LTBR: variants seen among roughly 807,000 people sequenced by gnomAD.
LTBR encodes the protein lymphotoxin beta receptor, also known as tumor necrosis factor receptor superfamily member 3.
A neutral mutation model predicts 45.4 loss-of-function variants in LTBR; 15 were observed. The observed-to-expected ratio is 0.33, with a 90% CI of 0.22 to 0.51. LTBR has a LOEUF of 0.51. Ranked by LOEUF, LTBR falls within the 20% of genes least tolerant of loss-of-function variation. LTBR has a pLI of 0.97. For missense variants in LTBR, 450 were observed against 565.5 expected, an observed-to-expected ratio of 0.80 and a Z score of 2.07; for synonymous variants, 228 against 231.0, an observed-to-expected ratio of 0.99 and a Z score of 0.12.
upstream of LTBR, among the ~76,000 whole-genome samples, chr12:6,383,217 G>C (rs1440324940): frequency 1.3e-5 from 2 of 152,126 alleles, no homozygotes; most frequent in Non-Finnish European, 2.9e-5. Context: ...TTAGGAAGAC[G>C]GAAACTTGGG....
intron 2 of LTBR, 100 bp from the exon 3 acceptor site, chr12:6,384,922 G>A: frequency 2.0e-6 from 3 of 1,491,178 alleles, no homozygotes; most frequent in Non-Finnish European, 2.8e-6. Flanking sequence ...ATGATGGGGG[G>A]CCAGAGAGAC....
At position 6,390,640 on chromosome 12, in the gene LTBR, C is replaced by A. The variant is rs1332985100; in HGVS notation, c.1031-20C>A. The stretch of plus-strand genomic sequence containing the variant: ...AACTGGGGGCCTTCCTTCCTCAACA[C>A]TCTGCCTCCCTTCCTACAGGTACCA... On this transcript the variant is annotated intron_variant, in intron 9 of 9. Coordinates refer to ENST00000228918, the MANE Select transcript of LTBR (RefSeq NM_002342.3). 4 of 1,500,392 alleles carry A rather than the reference C, an allele frequency of 2.7e-6. No homozygotes were observed. Among genetic ancestry groups the A allele is most frequent in the Non-Finnish European group, 3.6e-6 (4 of 1,125,462 alleles). The allele number at this position is 1,500,392 out of a possible 1,614,324, so 92.9% of individuals were successfully genotyped here.
Position 6,386,944 on chromosome 12 carries a change from G to A in LTBR, c.667+500G>A, listed in dbSNP as rs1349229445. 1 of 153,382 alleles carries A rather than the reference G, an allele frequency of 6.5e-6. No individual in the cohort carries two copies. The highest frequency in any genetic ancestry group is 1.9e-4 in the East Asian group (1 of 5,212). 9.5% of individuals were successfully genotyped at this position (153,382 alleles called of 1,614,324 possible). A position where few individuals can be genotyped will look rare whatever the true frequency, so the allele number is the denominator to read the frequency against. ...AATTGGCAGAAGGTTCACTGTGTGT[G>A]TTGGGCACTCTGTAACCACTTTACA... On this transcript the variant is annotated intron_variant, in intron 6 of 9. Transcript: ENST00000228918. The surrounding 1 kb of genome is among the most constrained non-coding windows in gnomAD (Gnocchi z 4.1).
chr12:6,389,822 A>AT, intron 8 of LTBR: 4 of 253,230 alleles, frequency 1.6e-5, no homozygotes, highest in Non-Finnish European at 2.2e-5. Flanking sequence ...AAAAAAAAAA[A>AT]GTTAGCCAGA....
At chr12:6,381,760 A>G (rs1055738698), upstream of LTBR, among the ~76,000 whole-genome samples, 2 of 152,160 alleles carry the variant, frequency 1.3e-5, no homozygotes, top group African/African-American at 4.8e-5. Flanking sequence ...GGATCACAAC[A>G]TCAGGAGTTC....
Position 6,386,206 on chromosome 12 carries a change from C to A in LTBR, c.569+44C>A. 1 of 1,555,864 alleles carries A rather than the reference C, an allele frequency of 6.4e-7. No homozygotes were observed. The highest frequency in any genetic ancestry group is 8.9e-7 in the Non-Finnish European group (1 of 1,128,038). On this transcript the variant is annotated intron_variant, in intron 5 of 9. Transcript: ENST00000228918. The surrounding 1 kb of genome is among the most constrained non-coding windows in gnomAD (Gnocchi z 4.1). The stretch of plus-strand genomic sequence containing the variant: ...AAGCTCCTTCCACCCTCTGAGAAGC[C>A]TCAGCTGCTAACAACCCCCAGCGCC...
At chr12:6,379,865 T>C (rs1262238563), upstream of LTBR, among the ~76,000 whole-genome samples, 1 of 137,502 alleles carries the variant, frequency 7.3e-6, no homozygotes, top group Non-Finnish European at 1.5e-5. Flanking sequence ...ACCGGGGAGG[T>C]GGAGCTTGGA....
intron 1 of LTBR, among the ~76,000 whole-genome samples, chr12:6,378,129 C>T (rs1948938573): frequency 6.6e-6 from 1 of 152,190 alleles, no homozygotes; most frequent in Non-Finnish European, 1.5e-5. Flanking sequence ...CCTTCCTTTC[C>T]CTCCCCAAAG....
upstream of LTBR, among the ~76,000 whole-genome samples, chr12:6,380,564 G>A (rs1413366890): frequency 1.3e-5 from 2 of 152,064 alleles, no homozygotes; most frequent in Non-Finnish European, 2.9e-5. Flanking sequence ...CATGCCTGTA[G>A]TCCCAGCTAC....
At chr12:6,387,040 G>C (rs1243927265) in intron 6 of LTBR, 1 of 152,284 alleles carries the variant, frequency 6.6e-6, no homozygotes, top group Non-Finnish European at 1.5e-5. Context: ...TGGACTGAAG[G>C]AAGAAACCGA....
At chr12:6,375,597 G>C (rs1948892070) in intron 1 of LTBR, 1 of 1,343,174 alleles carries the variant, frequency 7.4e-7, no homozygotes, top group East Asian at 2.6e-5. Context: ...AATTAAAGGT[G>C]AGCAGGGCGG....
chr12:6,384,412 G>A lies in LTBR; in HGVS notation c.54G>A (p.Val18=). The A allele has an allele frequency of 6.5e-7, 1 of 1,544,100 alleles. No homozygotes were observed. Among genetic ancestry groups the A allele is most frequent in the Non-Finnish European group, 8.7e-7 (1 of 1,148,512 alleles). Residue 18 remains valine, a synonymous_variant, in exon 1 of 10, where the codon GTG becomes GTA. Coordinates refer to ENST00000228918, the MANE Select transcript of LTBR (RefSeq NM_002342.3). ...CCGGCCTGGCCTGGGGGCCTCTGGT[G>A]CTGGGCCTCTTCGGGCTCCTGGCAG... ...SAPGLAWGPL[V]LGLFGLLAAS... is the part of the protein sequence containing the mutation.
chr12:6,381,158 A>T (rs1049992540), upstream of LTBR, among the ~76,000 whole-genome samples: 2 of 152,192 alleles, frequency 1.3e-5, no homozygotes, highest in Non-Finnish European at 2.9e-5. Context: ...AGACAATGGG[A>T]GGCAGCTCAG....
chr12:6,386,471 G>GGA lies in LTBR; in HGVS notation c.667+28_667+29insAG. The GGA allele has an allele frequency of 1.9e-6, 3 of 1,571,060 alleles. No homozygotes were observed. Among genetic ancestry groups the GGA allele is most frequent in the South Asian group, 1.1e-5 (1 of 89,796 alleles). Reference sequence around the variant, plus strand: ...TGAGGGACCAGGGCTGAGGGACACGGGGGGGGCGCCTCTGAAAATGCCTTA... The same window carrying GGA: ...TGAGGGACCAGGGCTGAGGGACACGGGAGGGGGGCGCCTCTGAAAATGCCTTA... On this transcript the variant is annotated intron_variant, in intron 6 of 9. Transcript: ENST00000228918. The surrounding 1 kb of genome is among the most constrained non-coding windows in gnomAD (Gnocchi z 4.1).
upstream of LTBR, among the ~76,000 whole-genome samples, chr12:6,381,982 GAGAAA>G (rs1303436568): frequency 6.6e-6 from 1 of 152,148 alleles, no homozygotes; most frequent in Non-Finnish European, 1.5e-5. Context: ...GAAAGGAAAA[GAGAAA>G]AGAAGAGAAG....
rs1012883417 is a variant in LTBR, at chr12:6,391,261, G to A, written c.*324G>A. ...ACGCCGCACCGGAGCACGGCACCGAGGGAGCCGCCACACGGTCACCTGCAA... is the reference window on the plus strand; with the variant it reads ...ACGCCGCACCGGAGCACGGCACCGAAGGAGCCGCCACACGGTCACCTGCAA... On this transcript the variant is annotated 3_prime_UTR_variant, in exon 10 of 10. Transcript: ENST00000228918. 2 of 241,376 alleles carry A rather than the reference G, an allele frequency of 8.3e-6. No individual in the cohort carries two copies. Among genetic ancestry groups the A allele is most frequent in the African/African-American group, 2.2e-5 (1 of 44,808 alleles). The allele number at this position is 241,376 out of a possible 1,614,324, so 15.0% of individuals were successfully genotyped here. A position where few individuals can be genotyped will look rare whatever the true frequency, so the allele number is the denominator to read the frequency against.
upstream of LTBR, among the ~76,000 whole-genome samples, chr12:6,380,508 A>C (rs1462280388): frequency 3.9e-5 from 6 of 152,100 alleles, no homozygotes; most frequent in Non-Finnish European, 7.4e-5. Flanking sequence ...ACATGGCAAA[A>C]CACCATCTCT....
Position 6,386,212 on chromosome 12 carries a change from T to C in LTBR, c.569+50T>C, listed in dbSNP as rs778948082. On this transcript the variant is annotated intron_variant, in intron 5 of 9. Coordinates refer to ENST00000228918, the MANE Select transcript of LTBR (RefSeq NM_002342.3). This position sits in a 1 kb window ranked among gnomAD's most constrained non-coding sequence, Gnocchi z 4.1. ...CTTCCACCCTCTGAGAAGCCTCAGCTGCTAACAACCCCCAGCGCCTATCCT... is the reference window on the plus strand; with the variant it reads ...CTTCCACCCTCTGAGAAGCCTCAGCCGCTAACAACCCCCAGCGCCTATCCT... 1.3e-6 allele frequency: 2 copies of C among 1,536,894 alleles called. No individual in the cohort carries two copies. Among genetic ancestry groups the C allele is most frequent in the Non-Finnish European group, 1.8e-6 (2 of 1,110,884 alleles).
chr12:6,390,239 C>G lies in LTBR; in HGVS notation c.929C>G (p.Ala310Gly). 1 of 1,614,064 alleles carries G rather than the reference C, an allele frequency of 6.2e-7. No homozygotes were observed. The highest frequency in any genetic ancestry group is 8.5e-7 in the Non-Finnish European group (1 of 1,179,984). Residue 310 changes from alanine (A) to glycine (G), a missense_variant, in exon 9 of 10, where the codon GCA (alanine) becomes GGA (glycine). Ala to Gly is a moderately conservative substitution (Grantham distance 60). Coordinates refer to ENST00000228918, the MANE Select transcript of LTBR (RefSeq NM_002342.3). ...TCCCCAGTATCCACTGGGCTCCCCG[C>G]AGCCCCAGTTTTGGAGGCAGGGGTG... ...DVSPVSTGLP[A>G]APVLEAGVPQ... is the part of the protein sequence containing the mutation.
Sources: allele counts gnomAD v4.1 joint callset (sites outside exome capture counted in the v4.1 genomes callset), GRCh38; gene constraint gnomAD v4.1.1; non-coding constraint Gnocchi (gnomAD v3.1); transcripts MANE v1.5; gene names NCBI Gene and HGNC (gene_info 2026-07-23, HGNC 2026-07-21).